Variants in CNTNAP2 observed in about 807,000 individuals in gnomAD.
CNTNAP2 encodes contactin-associated protein-like 2.
A neutral mutation model predicts 155.2 loss-of-function variants in CNTNAP2; 98 were observed. That is an observed-to-expected ratio of 0.63 (90% CI 0.54 to 0.75). CNTNAP2 has a LOEUF of 0.75. Among genes scored for constraint, CNTNAP2 ranks in the 30% least tolerant of loss-of-function variants. The probability of loss-of-function intolerance (pLI) is 0.00; values close to 1 mark genes in which losing one functional copy is unlikely to be tolerated. For missense variants in CNTNAP2, 1,727 were observed against 1,688.1 expected (o/e 1.02, Z -0.40); for synonymous variants, 651 against 631.2 (o/e 1.03, Z -0.47).
chr7:146,682,945 A>G (rs1800530640), intron 1 of CNTNAP2, among the ~76,000 whole-genome samples: 2 of 152,180 alleles, frequency 1.3e-5, no homozygotes, highest in African/African-American at 2.4e-5. Flanking sequence ...AATACATACT[A>G]CTGACATGGC....
intron 11 of CNTNAP2, among the ~76,000 whole-genome samples, chr7:147,536,736 C>T (rs184877178): frequency 9.3e-4 from 142 of 152,302 alleles, no homozygotes; most frequent in Non-Finnish European, 1.5e-3. Flanking sequence ...GTACCTCCCT[C>T]TCTGCCATCA....
chr7:148,008,336 C>G (rs1563165426), intron 15 of CNTNAP2, among the ~76,000 whole-genome samples: 3 of 152,128 alleles, frequency 2.0e-5, no homozygotes, highest in Non-Finnish European at 4.4e-5. Flanking sequence ...CACGCCACTA[C>G]ACTCCAGCCT....
In CNTNAP2 at chr7:148,401,714, T is replaced by C. The variant is rs372208335; in HGVS notation, c.3716-7677T>C. 1.5e-4 allele frequency among the ~76,000 whole-genome samples: 23 copies of C among 152,250 alleles called. No homozygotes were observed. In the East Asian group the frequency reaches 4.1e-3, roughly 27 times the overall value. The stretch of plus-strand genomic sequence containing the variant: ...CCCGGGTTCATGCTATTCTCCTGCC[T>C]CAGCCTCCCGAGTAGCTAGGACTAC... On this transcript the variant is annotated intron_variant, in intron 22 of 23. Coordinates refer to ENST00000361727, the MANE Select transcript of CNTNAP2 (RefSeq NM_014141.6).
intron 9 of CNTNAP2, among the ~76,000 whole-genome samples, chr7:147,324,406 G>A (rs1324978191): frequency 2.0e-5 from 3 of 152,126 alleles, no homozygotes; most frequent in South Asian, 2.1e-4. Flanking sequence ...TTGCAATCAC[G>A]TTATTAAAGA....
chr7:147,689,167 T>G (rs1796055449), intron 13 of CNTNAP2, among the ~76,000 whole-genome samples: 1 of 141,956 alleles, frequency 7.0e-6, no homozygotes. Flanking sequence ...TTTTTTTTTT[T>G]GAGACAGCGT....
chr7:146,660,788 A>G (rs1800074010), intron 1 of CNTNAP2, among the ~76,000 whole-genome samples: 1 of 152,216 alleles, frequency 6.6e-6, no homozygotes, highest in South Asian at 2.1e-4. Context: ...TTTTACTGAA[A>G]GTCTTTCACA....
chr7:148,088,270 A>G (rs1803773212), intron 15 of CNTNAP2, among the ~76,000 whole-genome samples: 1 of 152,068 alleles, frequency 6.6e-6, no homozygotes, highest in Non-Finnish European at 1.5e-5. Flanking sequence ...CCTTAATAAA[A>G]TCTACAACCT....
At chr7:146,845,261 G>C (rs1173535860) in intron 3 of CNTNAP2, among the ~76,000 whole-genome samples, 1 of 152,104 alleles carries the variant, frequency 6.6e-6, no homozygotes, top group Non-Finnish European at 1.5e-5. Flanking sequence ...TAAAATAAAA[G>C]TTCTCAAAAA....
chr7:147,581,071 A>G (rs1026009972), intron 12 of CNTNAP2, among the ~76,000 whole-genome samples: 3 of 152,194 alleles, frequency 2.0e-5, no homozygotes, highest in African/African-American at 7.2e-5. Flanking sequence ...TGGTACTATT[A>G]CTATTCGCTT....
intron 1 of CNTNAP2, among the ~76,000 whole-genome samples, chr7:146,741,655 C>T (rs915860285): frequency 1.6e-4 from 25 of 152,098 alleles, no homozygotes; most frequent in African/African-American, 6.0e-4. Flanking sequence ...TTATGAGCAA[C>T]ATGGCTGATT....
chr7:148,218,073 C>T (rs1193355736), intron 19 of CNTNAP2, among the ~76,000 whole-genome samples: 1 of 152,228 alleles, frequency 6.6e-6, no homozygotes, highest in Non-Finnish European at 1.5e-5. Flanking sequence ...TTATAGTGAG[C>T]CATGATCGTG....
At chr7:147,265,475 C>G (rs1804586104) in intron 8 of CNTNAP2, among the ~76,000 whole-genome samples, 2 of 152,192 alleles carry the variant, frequency 1.3e-5, no homozygotes, top group Admixed American at 1.3e-4. Flanking sequence ...TCCAGCAACT[C>G]CAGCCAGGGG....
At chr7:147,413,781 G>A (rs1797142007) in intron 10 of CNTNAP2, among the ~76,000 whole-genome samples, 1 of 152,130 alleles carries the variant, frequency 6.6e-6, no homozygotes, top group South Asian at 2.1e-4. Context: ...ACACAGCAGA[G>A]CTCCAGCCTC....
At position 146,224,254 on chromosome 7, in the gene CNTNAP2, G is replaced by A. The variant is rs994907436; in HGVS notation, c.97+107281G>A. 3.9e-5 allele frequency among the ~76,000 whole-genome samples: 6 copies of A among 152,038 alleles called. No homozygotes were observed. The South Asian group carries it at 1.2e-3, about 32-fold the overall frequency. On this transcript the variant is annotated intron_variant, in intron 1 of 23. Coordinates refer to ENST00000361727, the MANE Select transcript of CNTNAP2 (RefSeq NM_014141.6). Reference sequence around the variant, plus strand: ...CTCACATAGGGAGGGACCATGTGCTGGTCAGGAAATAAACAGCTTTCTGGC... The same window carrying A: ...CTCACATAGGGAGGGACCATGTGCTAGTCAGGAAATAAACAGCTTTCTGGC...
At chr7:146,769,788 C>T (rs924904117) in intron 1 of CNTNAP2, among the ~76,000 whole-genome samples, 1 of 152,122 alleles carries the variant, frequency 6.6e-6, no homozygotes, top group Non-Finnish European at 1.5e-5. Flanking sequence ...ATATCCATTG[C>T]AATATTCTAC....
chr7:146,121,803 G>A (rs557438147), intron 1 of CNTNAP2, among the ~76,000 whole-genome samples: 53 of 152,262 alleles, frequency 3.5e-4, no homozygotes, highest in Non-Finnish European at 6.6e-4. Context: ...CCAGTATTGG[G>A]CTGCTGAAAT....
intron 3 of CNTNAP2, among the ~76,000 whole-genome samples, chr7:146,892,407 C>T (rs1795798208): frequency 6.6e-6 from 1 of 152,100 alleles, no homozygotes; most frequent in African/African-American, 2.4e-5. Context: ...ACAAAGCCAG[C>T]TCAGTTTTAA....
At chr7:147,587,153 C>T (rs1227698058) in intron 12 of CNTNAP2, among the ~76,000 whole-genome samples, 1 of 152,174 alleles carries the variant, frequency 6.6e-6, no homozygotes, top group Non-Finnish European at 1.5e-5. Context: ...ACCACAGCTA[C>T]CTCTTCATTA....
intron 4 of CNTNAP2, among the ~76,000 whole-genome samples, chr7:147,100,770 C>T (rs1306070349): frequency 6.6e-6 from 1 of 152,156 alleles, no homozygotes; most frequent in African/African-American, 2.4e-5. Context: ...TTGTTTCAAA[C>T]CTAAATGATG....
Sources: allele counts gnomAD v4.1 joint callset (sites outside exome capture counted in the v4.1 genomes callset), GRCh38; gene constraint gnomAD v4.1.1; transcripts MANE v1.5; gene names NCBI Gene and HGNC (gene_info 2026-07-23, HGNC 2026-07-21).